EDEM2: variants seen among roughly 807,000 people sequenced by gnomAD.
The protein encoded by EDEM2 is ER degradation enhancing alpha-mannosidase like protein 2, also known as ER degradation-enhancing alpha-mannosidase-like protein 2.
EDEM2 carries 39 observed loss-of-function variants against 64.8 expected under a neutral mutation model. The ratio of observed to expected loss-of-function variants is 0.60; its 90% CI spans 0.47 to 0.79. The LOEUF is 0.79. Among genes scored for constraint, EDEM2 ranks in the 30% least tolerant of loss-of-function variants. The pLI is 0.00. For synonymous variants in EDEM2, 296 were observed against 291.5 expected, an observed-to-expected ratio of 1.02 and a Z score of -0.16; for missense variants, 609 against 731.3, an observed-to-expected ratio of 0.83 and a Z score of 1.93.
At chr20:35,140,359 C>T (rs1472994128) in intron 4 of EDEM2, among the ~76,000 whole-genome samples, 2 of 152,114 alleles carry the variant, frequency 1.3e-5, no homozygotes, top group African/African-American at 4.8e-5. Context: ...TGGTGCACAA[C>T]TGTAATCCCA....
At chr20:35,131,427 T>G (rs994341192) in intron 7 of EDEM2, among the ~76,000 whole-genome samples, 1 of 152,076 alleles carries the variant, frequency 6.6e-6, no homozygotes, top group South Asian at 2.1e-4. Flanking sequence ...GGTGTGCGCC[T>G]GTAGTCCACA....
intron 5 of EDEM2, among the ~76,000 whole-genome samples, chr20:35,135,328 G>C (rs1447306217): frequency 6.6e-6 from 1 of 152,194 alleles, no homozygotes; most frequent in Non-Finnish European, 1.5e-5. Context: ...AAGTGGTGGG[G>C]CTTGTGGCAC....
rs1225033094 is a variant in EDEM2, at chr20:35,142,518, T to C, written c.259-40A>G. ...GAGACCTGACAATGAGGCTCTTACA[T>C]GCATGGAGGCAGATTCAGAGTCTGG... On this transcript the variant is annotated intron_variant, in intron 3 of 10. Transcript: ENST00000374492. The C allele has an allele frequency of 4.7e-6, 7 of 1,477,130 alleles. No individual in the cohort carries two copies. The Admixed American group carries it at 6.9e-5, about 15-fold the overall frequency. The allele number at this position is 1,477,130 out of a possible 1,614,324, so 91.5% of individuals were successfully genotyped here.
chr20:35,140,982 C>T (rs1192499180), intron 4 of EDEM2, among the ~76,000 whole-genome samples: 3 of 151,518 alleles, frequency 2.0e-5, no homozygotes, highest in Admixed American at 6.6e-5. Flanking sequence ...TAGCAGGGCA[C>T]GGTGGCAGGC....
intron 8 of EDEM2, among the ~76,000 whole-genome samples, chr20:35,125,223 C>T (rs1313588011): frequency 7.1e-6 from 1 of 140,160 alleles, no homozygotes; most frequent in Non-Finnish European, 1.5e-5. Context: ...TTTTTTGAGA[C>T]AGGGTCTCAC....
At position 35,147,300 on chromosome 20, in the gene EDEM2, A is replaced by C. The variant is rs1343111347; in HGVS notation, c.-42T>G. On this transcript the variant is annotated 5_prime_UTR_variant, in exon 1 of 11. Transcript: ENST00000374492. ...CAGCGCCCCCGCAGCAGCAGCAGCC[A>C]CTGCAACCAGTTCATCCTGGGAGCT... 1.4e-6 allele frequency: 2 copies of C among 1,457,662 alleles called. No individual in the cohort carries two copies. Among genetic ancestry groups the C allele is most frequent in the African/African-American group, 1.4e-5 (1 of 69,674 alleles). 90.3% of individuals were successfully genotyped at this position (1,457,662 alleles called of 1,614,324 possible).
intron 7 of EDEM2, among the ~76,000 whole-genome samples, chr20:35,130,685 A>T (rs1160373460): frequency 6.6e-6 from 1 of 152,126 alleles, no homozygotes; most frequent in Non-Finnish European, 1.5e-5. Context: ...GTACTCACCT[A>T]TTTTCAGACT....
chr20:35,128,717 T>C (rs941665144), intron 7 of EDEM2, among the ~76,000 whole-genome samples: 2 of 150,426 alleles, frequency 1.3e-5, no homozygotes, highest in African/African-American at 5.0e-5. Flanking sequence ...TGGAAGACAG[T>C]GATATTGATG....
At position 35,115,400 on chromosome 20, in the gene EDEM2, C is replaced by CA. The variant is rs780732055; in HGVS notation, c.*32dup. 1.7e-5 allele frequency: 27 copies of CA among 1,584,090 alleles called. No individual in the cohort carries two copies. The African/African-American group carries it at 3.0e-4, about 18-fold the overall frequency. ...AAAGCAATTTATTATAGTTTAGCCT[C>CA]AAAAAAATAAAAATAAAAAAATTAT... On this transcript the variant is annotated 3_prime_UTR_variant, in exon 11 of 11. Transcript: ENST00000374492.
intron 9 of EDEM2, among the ~76,000 whole-genome samples, chr20:35,121,043 C>T (rs1338499774): frequency 6.6e-6 from 1 of 152,188 alleles, no homozygotes; most frequent in Non-Finnish European, 1.5e-5. Context: ...GGTCCCCAAC[C>T]GTTTTGGCAC....
intron 6 of EDEM2, among the ~76,000 whole-genome samples, chr20:35,133,668 T>C (rs1046535586): frequency 6.6e-6 from 1 of 152,178 alleles, no homozygotes; most frequent in Admixed American, 6.5e-5. Context: ...GGTTTCTCCA[T>C]GTTGGTCAGG....
chr20:35,140,092 C>A (rs2085632079), intron 4 of EDEM2, among the ~76,000 whole-genome samples: 1 of 152,018 alleles, frequency 6.6e-6, no homozygotes, highest in Admixed American at 6.6e-5. Flanking sequence ...TAAACAAAAG[C>A]TGGGAATGTT....
chr20:35,116,448 G>A (rs1373023727), intron 10 of EDEM2, among the ~76,000 whole-genome samples: 1 of 152,090 alleles, frequency 6.6e-6, no homozygotes, highest in Non-Finnish European at 1.5e-5. Context: ...ACCACTCTAA[G>A]AGCTCCAGCT....
intron 3 of EDEM2, among the ~76,000 whole-genome samples, chr20:35,143,510 A>G (rs1032300493): frequency 6.6e-6 from 1 of 152,270 alleles, no homozygotes; most frequent in Non-Finnish European, 1.5e-5. Flanking sequence ...ACCCAATGCT[A>G]GAAATTACCT....
chr20:35,126,498 G>A, intron 7 of EDEM2, 123 bp from the exon 8 acceptor site: 1 of 1,199,594 alleles, frequency 8.3e-7, no homozygotes, highest in Non-Finnish European at 1.2e-6. Context: ...AGGCAAGGAG[G>A]CTAGACAAGA....
At chr20:35,141,119 CAAAAA>C (rs58702725) in intron 4 of EDEM2, among the ~76,000 whole-genome samples, 5 of 29,386 alleles carry the variant, frequency 1.7e-4, no homozygotes, top group African/African-American at 2.1e-4. Context: ...GACTCCGCCT[CAAAAA>C]AAAAAAAAAA....
intron 7 of EDEM2, among the ~76,000 whole-genome samples, chr20:35,130,570 C>T (rs1183963904): frequency 6.6e-6 from 1 of 152,032 alleles, no homozygotes; most frequent in Non-Finnish European, 1.5e-5. Context: ...TACTATATTG[C>T]CCAGGCTGGT....
chr20:35,143,633 C>T (rs1416487684), intron 3 of EDEM2, among the ~76,000 whole-genome samples: 1 of 152,196 alleles, frequency 6.6e-6, no homozygotes, highest in Admixed American at 6.6e-5. Flanking sequence ...CTCGAGGAAT[C>T]ACTCTTCCCC....
At chr20:35,133,788 G>A (rs1048275112) in intron 6 of EDEM2, among the ~76,000 whole-genome samples, 1 of 152,132 alleles carries the variant, frequency 6.6e-6, no homozygotes, top group Non-Finnish European at 1.5e-5. Flanking sequence ...CCTTCTTAAG[G>A]GATTTTCGGG....
Sources: gnomAD v4.1 joint callset for allele counts (sites outside exome capture counted in the v4.1 genomes callset) on GRCh38, gnomAD v4.1.1 for gene constraint, MANE v1.5 for transcripts, NCBI Gene and HGNC (gene_info 2026-07-23, HGNC 2026-07-21) for gene names.